TRABD2B: variants seen among roughly 807,000 people sequenced by gnomAD.
TRABD2B encodes TraB domain containing 2B.
In TRABD2B, 14 loss-of-function variants were observed where a neutral mutation model predicts 40.1. The observed-to-expected ratio is 0.35, with a 90% CI of 0.23 to 0.55. TRABD2B has a LOEUF of 0.55. Ranked by LOEUF, TRABD2B falls within the 20% of genes least tolerant of loss-of-function variation. The pLI is 0.90. For synonymous variants in TRABD2B, 263 were observed against 277.0 expected (o/e 0.95, Z 0.50); for missense variants, 541 against 648.6 (o/e 0.83, Z 1.80).
At chr1:47,839,373 C>T (rs1177579986) in intron 2 of TRABD2B, among the ~76,000 whole-genome samples, 2 of 152,132 alleles carry the variant, frequency 1.3e-5, no homozygotes, top group Non-Finnish European at 2.9e-5. Context: ...CACACACACA[C>T]TCACCCACAC....
At chr1:47,927,035 A>G (rs975268823) in intron 2 of TRABD2B, among the ~76,000 whole-genome samples, 1 of 152,234 alleles carries the variant, frequency 6.6e-6, no homozygotes, top group African/African-American at 2.4e-5. Context: ...ACGCAGGCCA[A>G]GTTCAAAGAA....
chr1:47,771,758 G>A (rs944693300), intron 6 of TRABD2B, among the ~76,000 whole-genome samples: 4 of 152,220 alleles, frequency 2.6e-5, no homozygotes, highest in African/African-American at 9.6e-5. Context: ...GTGGACACAC[G>A]CTTCGTCTGC....
intron 2 of TRABD2B, among the ~76,000 whole-genome samples, chr1:47,909,143 T>C (rs926938867): frequency 1.3e-5 from 2 of 152,254 alleles, no homozygotes; most frequent in Non-Finnish European, 2.9e-5. Flanking sequence ...CTGACATCTA[T>C]TAAATACGTG....
At chr1:47,904,013 G>T (rs1481343347) in intron 2 of TRABD2B, among the ~76,000 whole-genome samples, 1 of 152,142 alleles carries the variant, frequency 6.6e-6, no homozygotes, top group East Asian at 1.9e-4. Context: ...CCTATGTGAT[G>T]AACCCATGAG....
At chr1:47,953,818 T>G (rs1645379835) in intron 2 of TRABD2B, among the ~76,000 whole-genome samples, 1 of 152,136 alleles carries the variant, frequency 6.6e-6, no homozygotes, top group Admixed American at 6.5e-5. Context: ...GGTGGCTGAG[T>G]GGGGGCTGAA....
chr1:47,881,657 G>A (rs945109137), intron 2 of TRABD2B, among the ~76,000 whole-genome samples: 15 of 152,224 alleles, frequency 9.9e-5, no homozygotes, highest in Non-Finnish European at 1.8e-4. Context: ...TCGTAAGTCT[G>A]TGGGTATGTG....
intron 2 of TRABD2B, among the ~76,000 whole-genome samples, chr1:47,937,033 TCACCATCACCACCAC>T (rs1374071603): frequency 6.9e-6 from 1 of 145,700 alleles, no homozygotes; most frequent in Non-Finnish European, 1.5e-5. Context: ...ATGATCATCA[TCACCATCACCACCAC>T]CACCATCATT....
At chr1:47,936,862 TCAC>T (rs146188972) in intron 2 of TRABD2B, among the ~76,000 whole-genome samples, 35,552 of 151,388 alleles carry the variant, frequency 0.23, 4,194 homozygotes, top group Admixed American at 0.27. Flanking sequence ...ATCATCATCA[TCAC>T]CACCACCACC....
At chr1:47,781,375 C>T (rs76550760) in intron 4 of TRABD2B, among the ~76,000 whole-genome samples, 3,472 of 152,276 alleles carry the variant, frequency 0.023, 60 homozygotes, top group Non-Finnish European at 0.032. Context: ...GACTGCTGCG[C>T]GGCTGCTCCA....
intron 2 of TRABD2B, among the ~76,000 whole-genome samples, chr1:47,883,604 A>G (rs1465650537): frequency 6.6e-6 from 1 of 152,230 alleles, no homozygotes; most frequent in Non-Finnish European, 1.5e-5. Flanking sequence ...CAGCTGTGTC[A>G]CAAGTCAGGA....
At chr1:47,817,783 A>G (rs1468988350) in intron 2 of TRABD2B, among the ~76,000 whole-genome samples, 1 of 152,072 alleles carries the variant, frequency 6.6e-6, no homozygotes, top group East Asian at 2.0e-4. Context: ...CCAGACTCCC[A>G]CCATCCCCAG....
At chr1:47,901,311 G>A (rs1031323432) in intron 2 of TRABD2B, among the ~76,000 whole-genome samples, 1 of 152,226 alleles carries the variant, frequency 6.6e-6, no homozygotes, top group Non-Finnish European at 1.5e-5. Flanking sequence ...TATCTTCTCT[G>A]CAGCAATCAG....
chr1:47,767,988 C>T (rs557532771), intron 6 of TRABD2B, among the ~76,000 whole-genome samples: 49 of 152,166 alleles, frequency 3.2e-4, no homozygotes, highest in Non-Finnish European at 5.7e-4. Context: ...GGGGAGGGAA[C>T]CCGGGGCCAC....
rs1324525810 is a variant in TRABD2B at position 47,994,311 on chromosome 1, A to G, written c.389T>C (p.Leu130Ser). Reference protein sequence around the residue: ...RLKRHLDYVKLMMPSWMTPAQ... With the variant: ...RLKRHLDYVKSMMPSWMTPAQ... Reference sequence around the variant, plus strand: ...GGGCGTCATCCAGGAGGGCATCATCAACTTCACGTAGTCCAGGTGGCGCTT... The same window carrying G: ...GGGCGTCATCCAGGAGGGCATCATCGACTTCACGTAGTCCAGGTGGCGCTT... The change falls in exon 2 of 7, where the codon TTG becomes TCG. Residue 130 changes from leucine to serine, a missense_variant. This residue lies in a region of TRABD2B where 369 missense variants were observed against 492.8 expected (regional missense o/e 0.75). Coordinates refer to ENST00000606738, the MANE Select transcript of TRABD2B (RefSeq NM_001194986.2). This position sits in a 1 kb window ranked among gnomAD's most constrained non-coding sequence, Gnocchi z 6.7. 2 of 1,536,352 alleles carry G rather than the reference A, an allele frequency of 1.3e-6. No individual in the cohort carries two copies. Among genetic ancestry groups the G allele is most frequent in the South Asian group, 1.2e-5 (1 of 84,064 alleles).
chr1:47,801,749 C>CAGCT, intron 2 of TRABD2B, 130 bp from the exon 3 acceptor site: 1 of 1,155,470 alleles, frequency 8.7e-7, no homozygotes, highest in Non-Finnish European at 1.2e-6. Context: ...GGGCTGGCAC[C>CAGCT]AGCTGGCTCA....
At chr1:47,883,672 C>A (rs1466302953) in intron 2 of TRABD2B, among the ~76,000 whole-genome samples, 1 of 152,026 alleles carries the variant, frequency 6.6e-6, no homozygotes, top group Non-Finnish European at 1.5e-5. Context: ...TATGTACTGT[C>A]TTCACCAAAA....
At chr1:47,905,543 C>G (rs4623747) in intron 2 of TRABD2B, among the ~76,000 whole-genome samples, 10,307 of 152,204 alleles carry the variant, frequency 0.068, 1,186 homozygotes, top group African/African-American at 0.23. Flanking sequence ...CATCCCTGTC[C>G]CCAGCCTCCC....
chr1:47,948,207 C>T (rs1645286705), intron 2 of TRABD2B, among the ~76,000 whole-genome samples: 1 of 152,108 alleles, frequency 6.6e-6, no homozygotes, highest in Non-Finnish European at 1.5e-5. Context: ...GAGACTTGGG[C>T]ATGTAGGCAA....
At chr1:47,795,995 GTCA>G (rs952476499) in intron 3 of TRABD2B, among the ~76,000 whole-genome samples, 66 of 152,218 alleles carry the variant, frequency 4.3e-4, no homozygotes, top group African/African-American at 1.5e-3. Flanking sequence ...CAGAGCTTTT[GTCA>G]TTCCTGGCCC....
Sources: allele counts gnomAD v4.1 joint callset (sites outside exome capture counted in the v4.1 genomes callset), GRCh38; gene constraint gnomAD v4.1.1; regional missense constraint gnomAD v4.1.1; non-coding constraint Gnocchi (gnomAD v3.1); transcripts MANE v1.5; gene names NCBI Gene and HGNC (gene_info 2026-07-23, HGNC 2026-07-21).